Variants in FREM3 observed in about 807,000 individuals in gnomAD.
FREM3 encodes FRAS1 related extracellular matrix 3.
In FREM3, 105 loss-of-function variants were observed where a neutral mutation model predicts 129.1. The ratio of observed to expected loss-of-function variants is 0.81; its 90% CI spans 0.69 to 0.96. The LOEUF (loss-of-function observed/expected upper bound fraction) is 0.96. Among genes scored for constraint, FREM3 ranks in the 40% least tolerant of loss-of-function variants. The pLI is 0.00. For synonymous variants in FREM3, 1,014 were observed against 1,044.9 expected (o/e 0.97, Z 0.57); for missense variants, 2,593 against 2,666.3 (o/e 0.97, Z 0.61).
chr4:143,591,028 A>G (rs1353277516), intron 6 of FREM3, among the ~76,000 whole-genome samples: 1 of 152,118 alleles, frequency 6.6e-6, no homozygotes, highest in African/African-American at 2.4e-5. Flanking sequence ...ATTTGCATAG[A>G]GGTGTTTATA....
intron 6 of FREM3, among the ~76,000 whole-genome samples, chr4:143,589,387 G>A (rs993871339): frequency 6.6e-6 from 1 of 152,136 alleles, no homozygotes; most frequent in African/African-American, 2.4e-5. Context: ...TAACATGTAA[G>A]TCTTTAATCC....
At chr4:143,584,157 C>T (rs1346636170) in intron 7 of FREM3, among the ~76,000 whole-genome samples, 1 of 152,150 alleles carries the variant, frequency 6.6e-6, no homozygotes, top group Non-Finnish European at 1.5e-5. Context: ...CGCCTGTAAT[C>T]CCAGCACTTT....
Position 143,695,569 on chromosome 4 carries a change from T to G in FREM3, c.5107A>C (p.Lys1703Gln), listed in dbSNP as rs2149863825. 2.0e-6 allele frequency: 3 copies of G among 1,537,384 alleles called. No homozygotes were observed. The South Asian group carries it at 3.6e-5, about 18-fold the overall frequency. The change falls in exon 1 of 8, where the codon AAA (lysine) becomes CAA (glutamine). Residue 1703 changes from lysine to glutamine, a missense_variant. Physicochemically the swap from Lys to Gln is moderately conservative, Grantham distance 53 (BLOSUM62 1). Around this residue, in one of 2 missense-constraint regions of FREM3, gnomAD observed 2,276 missense variants for 2,267.2 expected, o/e 1.00. Transcript: ENST00000329798. ...QDSPHRLLKY[K>Q]VTRGPEHGFI... ...CCATGCTCTGGTCCTCTGGTCACTT[T>G]ATACTTCAGAAGCCTGTGGGGACTG...
At chr4:143,670,087 T>C (rs1560865641) in intron 2 of FREM3, among the ~76,000 whole-genome samples, 1 of 152,042 alleles carries the variant, frequency 6.6e-6, no homozygotes, top group Non-Finnish European at 1.5e-5. Context: ...TGTGACTGCA[T>C]AGAATGTAAC....
chr4:143,602,013 GA>G (rs1738581175), intron 6 of FREM3: 1 of 152,024 alleles, frequency 6.6e-6, no homozygotes, highest in Non-Finnish European at 1.5e-5. Flanking sequence ...TAGGTTGCTA[GA>G]TACTGTGTCA....
At chr4:143,689,650 G>A (rs1374926753) in intron 2 of FREM3, among the ~76,000 whole-genome samples, 2 of 151,942 alleles carry the variant, frequency 1.3e-5, no homozygotes, top group South Asian at 2.1e-4. Flanking sequence ...ATCAATAAAC[G>A]AGTGGATAAA....
intron 6 of FREM3, among the ~76,000 whole-genome samples, chr4:143,591,822 C>G (rs1235116898): frequency 1.3e-5 from 2 of 152,264 alleles, no homozygotes; most frequent in South Asian, 4.1e-4. Context: ...ACTGATCTGT[C>G]TAATGTTGAC....
Position 143,665,075 on chromosome 4 carries a change from C to T in FREM3, c.5275+28038G>A, listed in dbSNP as rs369140483. ...CAATGCCTCACCCTGCTTTGGCTCG[C>T]GCACGGTGTGCTGCACCCACTGTCC... On this transcript the variant is annotated intron_variant, in intron 2 of 7. Coordinates refer to ENST00000329798, the MANE Select transcript of FREM3 (RefSeq NM_001168235.2). 2.4e-3 allele frequency among the ~76,000 whole-genome samples: 369 copies of T among 151,570 alleles called. 2 individuals are homozygous for T. Among genetic ancestry groups the T allele is most frequent in the African/African-American group, 8.3e-3 (345 of 41,328 alleles).
At chr4:143,600,873 T>C (rs1343814665) in intron 6 of FREM3, among the ~76,000 whole-genome samples, 1 of 152,114 alleles carries the variant, frequency 6.6e-6, no homozygotes, top group Non-Finnish European at 1.5e-5. Flanking sequence ...TGAGAACTTT[T>C]TATCAGTGCT....
At chr4:143,632,033 C>G (rs527295609) in intron 2 of FREM3, among the ~76,000 whole-genome samples, 7 of 152,232 alleles carry the variant, frequency 4.6e-5, no homozygotes, top group Non-Finnish European at 1.0e-4. Flanking sequence ...TGTGTTAATG[C>G]ACTCCAGAAT....
At chr4:143,653,721 T>C (rs1739550337) in intron 2 of FREM3, among the ~76,000 whole-genome samples, 1 of 152,198 alleles carries the variant, frequency 6.6e-6, no homozygotes, top group East Asian at 1.9e-4. Flanking sequence ...TGGCTGCACA[T>C]TAGAATTGCT....
At chr4:143,614,367 G>T (rs565245690) in intron 5 of FREM3, among the ~76,000 whole-genome samples, 1 of 152,268 alleles carries the variant, frequency 6.6e-6, no homozygotes, top group East Asian at 1.9e-4. Flanking sequence ...AGAATCCTCA[G>T]GACTTGGAAA....
At chr4:143,686,003 T>TTA (rs142962701) in intron 2 of FREM3, among the ~76,000 whole-genome samples, 75 of 150,742 alleles carry the variant, frequency 5.0e-4, no homozygotes, top group East Asian at 9.7e-4. Context: ...AGAACTTAAA[T>TTA]TATATATATA....
intron 6 of FREM3, among the ~76,000 whole-genome samples, chr4:143,600,116 G>A (rs919608481): frequency 6.6e-6 from 1 of 152,176 alleles, no homozygotes; most frequent in Non-Finnish European, 1.5e-5. Flanking sequence ...TTTCCAACTG[G>A]TTGTAGTGGT....
chr4:143,690,348 T>C (rs1740443129), intron 2 of FREM3, among the ~76,000 whole-genome samples: 1 of 152,164 alleles, frequency 6.6e-6, no homozygotes, highest in Non-Finnish European at 1.5e-5. Context: ...GAAACCTTCA[T>C]GGTATCACTC....
intron 5 of FREM3, 121 bp downstream of exon 5, chr4:143,620,916 G>T: frequency 1.0e-6 from 1 of 966,676 alleles, no homozygotes; most frequent in Non-Finnish European, 1.5e-6. Flanking sequence ...TGGACAATGA[G>T]GGGCCCAGGC....
chr4:143,673,969 G>A (rs1004294847), intron 2 of FREM3, among the ~76,000 whole-genome samples: 1 of 152,210 alleles, frequency 6.6e-6, no homozygotes, highest in African/African-American at 2.4e-5. Flanking sequence ...GGAGTGACCC[G>A]ATTTTCCAGG....
chr4:143,609,286 G>A (rs1738716457), intron 6 of FREM3, among the ~76,000 whole-genome samples: 1 of 152,118 alleles, frequency 6.6e-6, no homozygotes. Context: ...AGCTCCAGTA[G>A]AGAAGAATAA....
At chr4:143,596,708 G>A (rs977953382) in intron 6 of FREM3, among the ~76,000 whole-genome samples, 11 of 152,128 alleles carry the variant, frequency 7.2e-5, no homozygotes, top group African/African-American at 2.7e-4. Flanking sequence ...GCCGAGGAGA[G>A]GGGATCACTT....
Sources: gnomAD v4.1 joint callset for allele counts (sites outside exome capture counted in the v4.1 genomes callset) on GRCh38, gnomAD v4.1.1 for gene constraint, gnomAD v4.1.1 regional missense constraint, MANE v1.5 for transcripts, NCBI Gene and HGNC (gene_info 2026-07-23, HGNC 2026-07-21) for gene names.